The following FGF12 variants were observed in gnomAD, a reference collection of about 807,000 sequenced individuals.
FGF12 encodes fibroblast growth factor 12, also known as fibroblast growth factor 12B.
FGF12 carries 14 observed loss-of-function variants against 23.6 expected under a neutral mutation model. The observed-to-expected ratio is 0.59, with a 90% confidence interval of 0.39 to 0.93. FGF12 has a LOEUF of 0.93. Among genes scored for constraint, FGF12 ranks in the 40% least tolerant of loss-of-function variants. The pLI is 0.00. For synonymous variants in FGF12, 62 were observed against 77.3 expected, an observed-to-expected ratio of 0.80 and a Z score of 1.04; for missense variants, 175 against 217.8, an observed-to-expected ratio of 0.80 and a Z score of 1.24.
intron 4 of FGF12, among the ~76,000 whole-genome samples, chr3:192,197,039 GAGCCCCCTCAAAGATTTCCC>G (rs1209647997): frequency 6.6e-6 from 1 of 152,160 alleles, no homozygotes; most frequent in Non-Finnish European, 1.5e-5. Context: ...GGAAAGGTAA[GAGCCCCCTCAAAGATTTCCC>G]TTAGAATTAA....
At chr3:192,247,412 G>A (rs1179456803) in intron 4 of FGF12, among the ~76,000 whole-genome samples, 1 of 152,114 alleles carries the variant, frequency 6.6e-6, no homozygotes, top group East Asian at 1.9e-4. Flanking sequence ...GTATTTTGCA[G>A]TCACCCATGC....
At chr3:192,379,114 C>T (rs2108751483) in intron 2 of FGF12, among the ~76,000 whole-genome samples, 1 of 152,228 alleles carries the variant, frequency 6.6e-6, no homozygotes, top group East Asian at 1.9e-4. Flanking sequence ...CATAGTATTC[C>T]ATGGTGTATA....
intron 2 of FGF12, among the ~76,000 whole-genome samples, chr3:192,694,547 G>A (rs1718046890): frequency 6.6e-6 from 1 of 151,870 alleles, no homozygotes; most frequent in East Asian, 1.9e-4. Flanking sequence ...ATACATATAT[G>A]TGTGTGTACA....
rs564918268 is a variant in FGF12, at chr3:192,409,383, C to T, written c.14-48845G>A. ...GGGGCCGCCGCACCGAGCTGGTCTC[C>T]GCACAGGCTCAGAGGGAGCGAGGGA... On this transcript the variant is annotated intron_variant, in intron 2 of 5. Coordinates refer to ENST00000445105, the MANE Select transcript of FGF12 (RefSeq NM_004113.6). This position sits in a 1 kb window ranked among gnomAD's most constrained non-coding sequence, Gnocchi z 4.8. Among the ~76,000 whole-genome samples the T allele has an allele frequency of 1.3e-5, 2 of 152,288 alleles. No homozygotes were observed. The highest frequency in any genetic ancestry group is 4.1e-4 in the South Asian group (2 of 4,834).
chr3:192,223,219 C>T (rs1718561574), intron 4 of FGF12, among the ~76,000 whole-genome samples: 1 of 152,118 alleles, frequency 6.6e-6, no homozygotes, highest in African/African-American at 2.4e-5. Flanking sequence ...AGTGACTACA[C>T]TTAAAAACAA....
chr3:192,575,545 G>T, intron 2 of FGF12, among the ~76,000 whole-genome samples: 1 of 152,066 alleles, frequency 6.6e-6, no homozygotes. Flanking sequence ...AGGAGGAGGA[G>T]GAAAGTCTCC....
intron 4 of FGF12, among the ~76,000 whole-genome samples, chr3:192,285,002 C>G (rs1444889286): frequency 1.3e-5 from 2 of 152,142 alleles, no homozygotes; most frequent in East Asian, 1.9e-4. Flanking sequence ...CACCAAGGTA[C>G]AAGTACAGAC....
At position 192,287,948 on chromosome 3, in the gene FGF12, T is replaced by A. The variant is rs547090013; in HGVS notation, c.228+47413A>T. ...CTAAGCCAAAAAGGGCTTCCTGGTG[T>A]AGTAACTTCCCTTGATAAACTCAGT... On this transcript the variant is annotated intron_variant, in intron 4 of 5. Transcript: ENST00000445105. Among the ~76,000 whole-genome samples the A allele has an allele frequency of 9.2e-5, 14 of 152,220 alleles. No homozygotes were observed. The East Asian group carries it at 2.5e-3, about 27-fold the overall frequency.
Position 192,604,890 on chromosome 3 carries a change from A to T in FGF12, c.13+122291T>A, listed in dbSNP as rs537506754. Among the ~76,000 whole-genome samples the T allele has an allele frequency of 5.3e-5, 8 of 152,296 alleles. No individual in the cohort carries two copies. The South Asian group carries it at 1.7e-3, about 32-fold the overall frequency. ...AATGGAACAGAGTAAAGAACCCAGA[A>T]ATAAAGCTGCACACCTACAATCATC... On this transcript the variant is annotated intron_variant, in intron 2 of 5. Coordinates refer to ENST00000445105, the MANE Select transcript of FGF12 (RefSeq NM_004113.6).
At chr3:192,539,602 G>GTTTTC (rs1031844995) in intron 2 of FGF12, among the ~76,000 whole-genome samples, 2 of 152,054 alleles carry the variant, frequency 1.3e-5, no homozygotes, top group Non-Finnish European at 2.9e-5. Context: ...TTGGCCTATA[G>GTTTTC]TTTTCTTTTC....
intron 2 of FGF12, among the ~76,000 whole-genome samples, chr3:192,456,547 C>A (rs1292726941): frequency 6.6e-6 from 1 of 152,046 alleles, no homozygotes; most frequent in East Asian, 1.9e-4. Context: ...TAATTTGATT[C>A]TTTAAGTTAT....
At chr3:192,520,766 T>C (rs1461684863) in intron 2 of FGF12, among the ~76,000 whole-genome samples, 1 of 152,216 alleles carries the variant, frequency 6.6e-6, no homozygotes, top group African/African-American at 2.4e-5. Flanking sequence ...TCCTGTTCCC[T>C]CTTTTTTTCC....
chr3:192,532,132 A>G (rs998844194), intron 2 of FGF12, among the ~76,000 whole-genome samples: 2 of 152,076 alleles, frequency 1.3e-5, no homozygotes, highest in Non-Finnish European at 2.9e-5. Flanking sequence ...TACTAGTACC[A>G]TGCTGTTTTG....
intron 4 of FGF12, among the ~76,000 whole-genome samples, chr3:192,245,999 A>T (rs999025711): frequency 6.6e-6 from 1 of 152,208 alleles, no homozygotes; most frequent in Non-Finnish European, 1.5e-5. Flanking sequence ...AAAACATTAA[A>T]ATTAAAATGG....
intron 2 of FGF12, among the ~76,000 whole-genome samples, chr3:192,666,599 A>C (rs986109897): frequency 1.3e-5 from 2 of 152,226 alleles, no homozygotes; most frequent in Admixed American, 1.3e-4. Context: ...TGTAATTATG[A>C]GTAAGAAGAT....
intron 4 of FGF12, among the ~76,000 whole-genome samples, chr3:192,316,760 C>T (rs993264300): frequency 6.6e-6 from 1 of 152,168 alleles, no homozygotes; most frequent in African/African-American, 2.4e-5. Flanking sequence ...AGACACCAGC[C>T]CAGGTGGCTA....
At chr3:192,556,315 A>G (rs1320766887) in intron 2 of FGF12, among the ~76,000 whole-genome samples, 1 of 152,222 alleles carries the variant, frequency 6.6e-6, no homozygotes, top group African/African-American at 2.4e-5. Context: ...ACTGAAAGTG[A>G]AGAGATGGAA....
At chr3:192,451,606 C>G (rs1348840433) in intron 2 of FGF12, among the ~76,000 whole-genome samples, 1 of 152,120 alleles carries the variant, frequency 6.6e-6, no homozygotes, top group African/African-American at 2.4e-5. Flanking sequence ...TAGGAGATCA[C>G]TAAAGTTAAA....
chr3:192,418,109 T>C (rs1459950553), intron 2 of FGF12, among the ~76,000 whole-genome samples: 2 of 152,088 alleles, frequency 1.3e-5, no homozygotes, highest in Non-Finnish European at 2.9e-5. Context: ...GTTATGTAGA[T>C]GTTAGATGCA....
Sources: allele counts gnomAD v4.1 joint callset (sites outside exome capture counted in the v4.1 genomes callset), GRCh38; gene constraint gnomAD v4.1.1; non-coding constraint Gnocchi (gnomAD v3.1); transcripts MANE v1.5; gene names NCBI Gene and HGNC (gene_info 2026-07-23, HGNC 2026-07-21).